Variants in RNF6 observed in about 807,000 individuals in gnomAD.
RNF6 encodes the protein E3 ubiquitin-protein ligase RNF6.
Under a neutral mutation model 50.1 loss-of-function variants are expected in RNF6, and 21 were observed. That is an observed-to-expected ratio of 0.42 (90% CI 0.30 to 0.60). The LOEUF (loss-of-function observed/expected upper bound fraction) is 0.60, where lower values mean the gene tolerates loss of function less well. Among genes scored for constraint, RNF6 ranks in the 20% least tolerant of loss-of-function variants. The probability of loss-of-function intolerance (pLI) is 0.20; values close to 1 mark genes in which losing one functional copy is unlikely to be tolerated. For missense variants in RNF6, 698 were observed against 838.2 expected, an observed-to-expected ratio of 0.83 and a Z score of 2.07; for synonymous variants, 255 against 291.8, an observed-to-expected ratio of 0.87 and a Z score of 1.29.
At chr13:26,170,523 C>CAGTT (rs1269087553) in intron 5 of RNF6, among the ~76,000 whole-genome samples, 39 of 152,228 alleles carry the variant, frequency 2.6e-4, no homozygotes, top group African/African-American at 9.4e-4. Context: ...AGATGGGTAA[C>CAGTT]AGTTAGCTAA....
intron 5 of RNF6, among the ~76,000 whole-genome samples, chr13:26,132,979 G>A (rs925474380): frequency 2.0e-5 from 3 of 152,156 alleles, no homozygotes; most frequent in Non-Finnish European, 4.4e-5. Context: ...TGCTGTTGCT[G>A]AGCCAGAGAT....
At chr13:26,209,786 G>GATATAT (rs35139305), downstream of RNF6, among the ~76,000 whole-genome samples, 1 of 140,558 alleles carries the variant, frequency 7.1e-6, no homozygotes, top group Non-Finnish European at 1.6e-5. Context: ...GAAGATGTGA[G>GATATAT]ATATATATAT....
At chr13:26,198,680 T>C (rs1037246688) in intron 5 of RNF6, among the ~76,000 whole-genome samples, 2 of 151,804 alleles carry the variant, frequency 1.3e-5, no homozygotes, top group African/African-American at 4.9e-5. Flanking sequence ...ACCATATATA[T>C]TGAAAAGGAA....
At chr13:26,154,006 T>G (rs970020375) in intron 5 of RNF6, 1 of 152,234 alleles carries the variant, frequency 6.6e-6, no homozygotes, top group Non-Finnish European at 1.5e-5. Context: ...TTCAGCTAAA[T>G]GAAATTCTTA....
At chr13:26,132,140 T>C (rs1240257328) in exon 6 of RNF6, 1 of 198,378 alleles carries the variant, frequency 5.0e-6, no homozygotes, top group Admixed American at 5.6e-5. Flanking sequence ...TTTTTTTTAA[T>C]TACATAAATG....
chr13:26,210,080 A>T (rs988262797), downstream of RNF6, among the ~76,000 whole-genome samples: 10 of 152,130 alleles, frequency 6.6e-5, no homozygotes, highest in Non-Finnish European at 1.2e-4. Context: ...GAGACTAAAG[A>T]AAAAATCACC....
In RNF6 at chr13:26,219,921, T is replaced by C. The variant is rs552596839; in HGVS notation, c.-18-254A>G. Reference sequence around the variant, plus strand: ...ATTTGGGTTTACCACACAATGCTCATGCCTGAATACCATAGTGATTATCTC... The same window carrying C: ...ATTTGGGTTTACCACACAATGCTCACGCCTGAATACCATAGTGATTATCTC... On this transcript the variant is annotated intron_variant, in intron 2 of 4. Transcript: ENST00000381588. Among the ~76,000 whole-genome samples, 4 of 152,358 alleles carry C rather than the reference T, an allele frequency of 2.6e-5. No homozygotes were observed. In the South Asian group the frequency reaches 6.2e-4, roughly 24 times the overall value.
chr13:26,191,110 C>T (rs1304524095), intron 5 of RNF6, among the ~76,000 whole-genome samples: 2 of 151,988 alleles, frequency 1.3e-5, no homozygotes, highest in Non-Finnish European at 2.9e-5. Context: ...ACAGCCTTTC[C>T]ATTTAGAAAA....
Position 26,214,824 on chromosome 13 carries a change from T to C in RNF6, c.1058A>G (p.Gln353Arg). 3 of 1,614,212 alleles carry C rather than the reference T, an allele frequency of 1.9e-6. No homozygotes were observed. Among genetic ancestry groups the C allele is most frequent in the Non-Finnish European group, 2.5e-6 (3 of 1,180,040 alleles). The change falls in exon 5 of 5, where the codon CAA (glutamine) becomes CGA (arginine). Residue 353 changes from glutamine (Q) to arginine (R), a missense_variant. Transcript: ENST00000381588. ...RRGRTRVFLE[Q>R]DRERERRGTA... ...ACCTCTGCGTTCTCGTTCTCTATCTTGCTCTAAAAAGACTCGAGTTCTACC... is the reference window on the plus strand; with the variant it reads ...ACCTCTGCGTTCTCGTTCTCTATCTCGCTCTAAAAAGACTCGAGTTCTACC...
intron 5 of RNF6, among the ~76,000 whole-genome samples, chr13:26,158,719 G>A (rs77697732): frequency 0.13 from 20,155 of 152,142 alleles, 1,698 homozygotes; most frequent in Admixed American, 0.2. Context: ...GAATGTCTGT[G>A]TGTGGGTGTG....
intron 5 of RNF6, among the ~76,000 whole-genome samples, chr13:26,204,496 C>CAAAAAAAAAAAAAAAAAAA (rs71080239): frequency 1.5e-5 from 1 of 68,958 alleles, no homozygotes; most frequent in Non-Finnish European, 2.9e-5. Context: ...GACTCCACCT[C>CAAAAAAAAAAAAAAAAAAA]AAAAAAAAAA....
At chr13:26,156,652 T>C (rs561079001) in intron 5 of RNF6, among the ~76,000 whole-genome samples, 1 of 152,282 alleles carries the variant, frequency 6.6e-6, no homozygotes, top group African/African-American at 2.4e-5. Flanking sequence ...AATAACTCAA[T>C]CTATGTTTCT....
intron 5 of RNF6, among the ~76,000 whole-genome samples, chr13:26,183,277 T>C (rs1217193191): frequency 6.6e-6 from 1 of 152,186 alleles, no homozygotes; most frequent in Admixed American, 6.5e-5. Flanking sequence ...GAGAACAGAT[T>C]CACTAATTGT....
At chr13:26,196,503 T>A (rs1328992649) in intron 5 of RNF6, among the ~76,000 whole-genome samples, 1 of 151,884 alleles carries the variant, frequency 6.6e-6, no homozygotes, top group Non-Finnish European at 1.5e-5. Context: ...ATACAAAAAA[T>A]TAGCCAGTAA....
intron 5 of RNF6, among the ~76,000 whole-genome samples, chr13:26,133,683 A>G (rs1488207598): frequency 6.6e-6 from 1 of 151,880 alleles, no homozygotes; most frequent in Non-Finnish European, 1.5e-5. Context: ...TGTTTCTTGT[A>G]CTTTCTATTT....
chr13:26,174,520 G>A (rs1199094082), intron 5 of RNF6, among the ~76,000 whole-genome samples: 2 of 151,686 alleles, frequency 1.3e-5, no homozygotes, highest in African/African-American at 4.8e-5. Flanking sequence ...GCTGAGCGTG[G>A]TGGCAGGTGC....
downstream of RNF6, among the ~76,000 whole-genome samples, chr13:26,211,292 T>C (rs550984016): frequency 2.6e-5 from 4 of 152,368 alleles, no homozygotes; most frequent in South Asian, 6.2e-4. Flanking sequence ...TATATGGGAT[T>C]TCTTTCCATG....
chr13:26,149,251 A>G (rs1210925116), intron 5 of RNF6: 1 of 152,198 alleles, frequency 6.6e-6, no homozygotes, highest in Admixed American at 6.5e-5. Flanking sequence ...TTCAATCTGA[A>G]TAATTCAATT....
intron 5 of RNF6, among the ~76,000 whole-genome samples, chr13:26,192,929 T>C (rs1868518457): frequency 6.6e-6 from 1 of 152,220 alleles, no homozygotes; most frequent in Non-Finnish European, 1.5e-5. Context: ...CGTGGTATAT[T>C]GTAAGCTGCT....
Sources: gnomAD v4.1 joint callset for allele counts (sites outside exome capture counted in the v4.1 genomes callset) on GRCh38, gnomAD v4.1.1 for gene constraint, MANE v1.5 for transcripts, NCBI Gene and HGNC (gene_info 2026-07-23, HGNC 2026-07-21) for gene names.